The following ATP9B variants were observed in gnomAD, a reference collection of about 807,000 sequenced individuals.
ATP9B encodes the protein ATPase phospholipid transporting 9B, also known as probable phospholipid-transporting ATPase IIB.
In ATP9B, 110 loss-of-function variants were observed where a neutral mutation model predicts 146.1. That is an observed-to-expected ratio of 0.75 (90% confidence interval 0.65 to 0.88). ATP9B has a LOEUF of 0.88. Among genes scored for constraint, ATP9B ranks in the 40% least tolerant of loss-of-function variants. The probability of loss-of-function intolerance (pLI) is 0.00; values close to 1 mark genes in which losing one functional copy is unlikely to be tolerated. For synonymous variants in ATP9B, 604 were observed against 569.7 expected, an observed-to-expected ratio of 1.06 and a Z score of -0.86; for missense variants, 1,499 against 1,496.4, an observed-to-expected ratio of 1.00 and a Z score of -0.03.
At position 79,375,939 on chromosome 18, in the gene ATP9B, T is replaced by A. The variant is rs190255996; in HGVS notation, c.3307+513T>A. The A allele has an allele frequency of 1.2e-5, 12 of 985,330 alleles. No individual in the cohort carries two copies. The African/African-American group carries it at 2.1e-4, about 17-fold the overall frequency. 61.0% of individuals were successfully genotyped at this position (985,330 alleles called of 1,614,324 possible). On this transcript the variant is annotated intron_variant, in intron 29 of 29. Transcript: ENST00000426216. Reference sequence around the variant, plus strand: ...GTATGTAAATCTCCAGTTTCTCATCTGCCTCTTTTCATGCGGAATTCAAGT... The same window carrying A: ...GTATGTAAATCTCCAGTTTCTCATCAGCCTCTTTTCATGCGGAATTCAAGT...
intron 7 of ATP9B, among the ~76,000 whole-genome samples, chr18:79,173,094 G>A (rs1251449501): frequency 2.0e-5 from 3 of 152,198 alleles, no homozygotes; most frequent in South Asian, 2.1e-4. Context: ...GGCTGGCGAC[G>A]TTGAGCACGT....
intron 2 of ATP9B, among the ~76,000 whole-genome samples, chr18:79,108,673 G>A (rs2075813324): frequency 6.6e-6 from 1 of 152,194 alleles, no homozygotes; most frequent in Admixed American, 6.5e-5. Flanking sequence ...GCTTAAGGGA[G>A]CAGTGCTTGG....
chr18:79,202,416 T>C (rs1444119665), intron 9 of ATP9B, among the ~76,000 whole-genome samples: 2 of 152,178 alleles, frequency 1.3e-5, no homozygotes, highest in Non-Finnish European at 2.9e-5. Flanking sequence ...TGTAATTTCT[T>C]TTGCAAACCA....
intron 12 of ATP9B, among the ~76,000 whole-genome samples, chr18:79,261,256 G>A (rs1396043351): frequency 1.3e-5 from 2 of 152,124 alleles, no homozygotes; most frequent in Non-Finnish European, 2.9e-5. Context: ...ATGCCGTGAT[G>A]GCCCCCAGAA....
intron 1 of ATP9B, among the ~76,000 whole-genome samples, chr18:79,087,113 T>A (rs2073911864): frequency 6.6e-6 from 1 of 152,200 alleles, no homozygotes; most frequent in South Asian, 2.1e-4. Flanking sequence ...TGTCCTCACA[T>A]GGGAGAAGAT....
chr18:79,247,363 A>T (rs1166084805), intron 11 of ATP9B, among the ~76,000 whole-genome samples: 2 of 152,212 alleles, frequency 1.3e-5, no homozygotes, highest in African/African-American at 4.8e-5. Flanking sequence ...ATTATGGACA[A>T]TTATAAAAAA....
intron 7 of ATP9B, among the ~76,000 whole-genome samples, chr18:79,169,480 G>A (rs561581999): frequency 7.2e-5 from 11 of 152,316 alleles, no homozygotes; most frequent in Non-Finnish European, 1.5e-4. Context: ...TGTGAAAGCC[G>A]TGAGTCTTCA....
At chr18:79,072,594 C>T (rs1259841979) in intron 1 of ATP9B, among the ~76,000 whole-genome samples, 3 of 151,752 alleles carry the variant, frequency 2.0e-5, no homozygotes, top group African/African-American at 4.8e-5. Flanking sequence ...TTTCTTTTCC[C>T]GACATTTCCC....
intron 26 of ATP9B, among the ~76,000 whole-genome samples, chr18:79,365,831 C>A (rs2097024392): frequency 6.8e-6 from 1 of 148,086 alleles, no homozygotes; most frequent in Non-Finnish European, 1.5e-5. Flanking sequence ...GATGGAAGGA[C>A]ATCTCCGTGG....
chr18:79,307,650 C>A (rs150155776), intron 15 of ATP9B, among the ~76,000 whole-genome samples: 12 of 152,200 alleles, frequency 7.9e-5, no homozygotes, highest in Non-Finnish European at 1.5e-4. Context: ...ACATATTTTG[C>A]CAGATTTTCA....
At chr18:79,179,344 C>T (rs1163624463) in intron 8 of ATP9B, among the ~76,000 whole-genome samples, 1 of 151,488 alleles carries the variant, frequency 6.6e-6, no homozygotes, top group Non-Finnish European at 1.5e-5. Flanking sequence ...TTGTTTCTTC[C>T]TCCTTAAGGT....
intron 6 of ATP9B, among the ~76,000 whole-genome samples, chr18:79,154,213 G>A (rs946361897): frequency 2.0e-5 from 3 of 151,448 alleles, no homozygotes; most frequent in African/African-American, 7.3e-5. Flanking sequence ...CGCCTGCCTC[G>A]GCCTCCCAAG....
At chr18:79,259,821 G>A (rs1190559107) in intron 12 of ATP9B, among the ~76,000 whole-genome samples, 1 of 152,182 alleles carries the variant, frequency 6.6e-6, no homozygotes, top group Non-Finnish European at 1.5e-5. Flanking sequence ...TTTCGGTTAG[G>A]TACCCTTTCT....
Position 79,253,467 on chromosome 18 carries a change from A to T in ATP9B, c.1194A>T (p.Leu398Phe). Reference sequence around the variant, plus strand: ...CTCTTTCCATTGTTATGGTAACCTTACAAGGATTTGTGGGTCCATGGTACC... The same window carrying T: ...CTCTTTCCATTGTTATGGTAACCTTTCAAGGATTTGTGGGTCCATGGTACC... ...LVALSIVMVT[L>F]QGFVGPWYRN... The change falls in exon 12 of 30, where the codon TTA becomes TTT. Residue 398 changes from leucine to phenylalanine, a missense_variant. By Grantham distance (22) the Leu-to-Phe change is conservative. Coordinates refer to ENST00000426216, the MANE Select transcript of ATP9B (RefSeq NM_198531.5). The T allele has an allele frequency of 6.2e-7, 1 of 1,613,680 alleles. No homozygotes were observed.
At chr18:79,225,701 T>C (rs8092285) in intron 11 of ATP9B, among the ~76,000 whole-genome samples, 1,715 of 43,644 alleles carry the variant, frequency 0.039, 64 homozygotes, top group African/African-American at 0.092. Flanking sequence ...GTCCCGCAGT[T>C]GCAGGGCGGC....
intron 9 of ATP9B, among the ~76,000 whole-genome samples, chr18:79,201,904 G>A (rs2148288936): frequency 6.6e-6 from 1 of 152,174 alleles, no homozygotes; most frequent in South Asian, 2.1e-4. Flanking sequence ...TAGCCTAGTG[G>A]GGTGGCTACA....
At position 79,193,404 on chromosome 18, in the gene ATP9B, G is replaced by A. The variant is rs532586428; in HGVS notation, c.954+141G>A. ...AGGGAAAACCTATATAATGTTTGAA[G>A]TTCTTAAGTGTACCCATATTAAATA... On this transcript the variant is annotated intron_variant, in intron 9 of 29. Transcript: ENST00000426216. 1.6e-5 allele frequency: 11 copies of A among 681,898 alleles called. No individual in the cohort carries two copies. In the African/African-American group the frequency reaches 1.8e-4, roughly 11 times the overall value. The allele number at this position is 681,898 out of a possible 1,614,324, so 42.2% of individuals were successfully genotyped here. A position where few individuals can be genotyped will look rare whatever the true frequency, so the allele number is the denominator to read the frequency against.
chr18:79,377,126 C>A, intron 29 of ATP9B, 121 bp from the exon 30 acceptor site: 2 of 1,185,156 alleles, frequency 1.7e-6, no homozygotes, highest in Non-Finnish European at 2.4e-6. Context: ...TGTAAATGCA[C>A]AGTGATGTTT....
intron 1 of ATP9B, among the ~76,000 whole-genome samples, chr18:79,075,084 T>G (rs2072442404): frequency 1.3e-5 from 2 of 151,968 alleles, no homozygotes; most frequent in South Asian, 2.1e-4. Flanking sequence ...TTTTAGAGTT[T>G]TTTTTTTTTT....
Sources: gnomAD v4.1 joint callset for allele counts (sites outside exome capture counted in the v4.1 genomes callset) on GRCh38, gnomAD v4.1.1 for gene constraint, MANE v1.5 for transcripts, NCBI Gene and HGNC (gene_info 2026-07-23, HGNC 2026-07-21) for gene names.